The following CNTNAP2 variants were observed in gnomAD, a reference collection of about 807,000 sequenced individuals.
CNTNAP2 encodes contactin-associated protein-like 2.
A neutral mutation model predicts 155.2 loss-of-function variants in CNTNAP2; 98 were observed. That is an observed-to-expected ratio of 0.63 (90% confidence interval 0.54 to 0.75). The LOEUF is 0.75. CNTNAP2 is among the 30% of genes least tolerant of loss of function. The pLI is 0.00. For synonymous variants in CNTNAP2, 651 were observed against 631.2 expected (o/e 1.03, Z -0.47); for missense variants, 1,727 against 1,688.1 (o/e 1.02, Z -0.40).
At chr7:146,488,524 GCTT>G (rs1797092489) in intron 1 of CNTNAP2, among the ~76,000 whole-genome samples, 1 of 151,846 alleles carries the variant, frequency 6.6e-6, no homozygotes, top group Non-Finnish European at 1.5e-5. Context: ...TACCACAAAA[GCTT>G]CTCACCTGCT....
intron 13 of CNTNAP2, among the ~76,000 whole-genome samples, chr7:147,739,885 G>C (rs981866126): frequency 2.6e-5 from 4 of 151,930 alleles, no homozygotes; most frequent in Admixed American, 2.6e-4. Context: ...ATTGAATACT[G>C]ATTTCAGCAT....
At chr7:146,362,213 T>A (rs1360199205) in intron 1 of CNTNAP2, among the ~76,000 whole-genome samples, 1 of 152,206 alleles carries the variant, frequency 6.6e-6, no homozygotes, top group African/African-American at 2.4e-5. Context: ...TGAGTGCCTA[T>A]TAAGTATGAT....
chr7:146,792,704 T>C (rs559162982), intron 2 of CNTNAP2, among the ~76,000 whole-genome samples: 1 of 152,318 alleles, frequency 6.6e-6, no homozygotes, highest in Admixed American at 6.5e-5. Flanking sequence ...GGTGACATCA[T>C]TATGACACAA....
intron 3 of CNTNAP2, among the ~76,000 whole-genome samples, chr7:147,039,437 C>T (rs1799218643): frequency 6.6e-6 from 1 of 152,314 alleles, no homozygotes; most frequent in East Asian, 1.9e-4. Context: ...CATCATTTAG[C>T]TCCCACTTAC....
At chr7:148,138,709 T>C (rs1805004770) in intron 16 of CNTNAP2, among the ~76,000 whole-genome samples, 1 of 152,172 alleles carries the variant, frequency 6.6e-6, no homozygotes, top group African/African-American at 2.4e-5. Flanking sequence ...AGTAACCATC[T>C]GGGACCTTTA....
intron 1 of CNTNAP2, among the ~76,000 whole-genome samples, chr7:146,714,660 TTAAGA>T (rs1399510401): frequency 6.6e-6 from 1 of 152,144 alleles, no homozygotes; most frequent in Non-Finnish European, 1.5e-5. Context: ...AGTTTTCGAG[TTAAGA>T]TAACTAATTG....
intron 3 of CNTNAP2, among the ~76,000 whole-genome samples, chr7:146,895,501 CAAATT>C (rs1361307453): frequency 2.6e-5 from 4 of 152,016 alleles, no homozygotes; most frequent in Non-Finnish European, 5.9e-5. Context: ...ATCTCATAAT[CAAATT>C]ATGTGTATCT....
intron 1 of CNTNAP2, among the ~76,000 whole-genome samples, chr7:146,233,176 T>G (rs540447153): frequency 5.8e-4 from 57 of 97,472 alleles, no homozygotes; most frequent in Non-Finnish European, 9.2e-4. Flanking sequence ...AAAAAAAGTG[T>G]TTTTTTTTAT....
chr7:147,559,868 A>C (rs1391774043), intron 11 of CNTNAP2, among the ~76,000 whole-genome samples: 2 of 76,326 alleles, frequency 2.6e-5, no homozygotes, highest in African/African-American at 9.7e-5. Flanking sequence ...CCGATCTTAA[A>C]AAAAAAAAAA....
At chr7:148,147,998 G>A (rs1396207598) in intron 17 of CNTNAP2, among the ~76,000 whole-genome samples, 1 of 147,904 alleles carries the variant, frequency 6.8e-6, no homozygotes, top group East Asian at 2.1e-4. Context: ...GCAATTTTAG[G>A]TTTATGGTTT....
intron 3 of CNTNAP2, among the ~76,000 whole-genome samples, chr7:146,996,649 C>G (rs562450456): frequency 1.3e-5 from 2 of 152,210 alleles, no homozygotes; most frequent in African/African-American, 4.8e-5. Context: ...ATCATGTCAG[C>G]TGCAAACAAG....
chr7:148,383,813 T>G lies in CNTNAP2; in HGVS notation c.3640T>G (p.Cys1214Gly). Reference sequence around the variant, plus strand: ...CCAGGGCGAGCTGGTGGAGTCCAACTGCGGGGCCTCGCCGCTGACCCTCTC... The same window carrying G: ...CCAGGGCGAGCTGGTGGAGTCCAACGGCGGGGCCTCGCCGCTGACCCTCTC... ...HIQGELVESN[C>G]GASPLTLSPM... is the part of the protein sequence containing the mutation. The change falls in exon 22 of 24, where the codon TGC becomes GGC. Residue 1214 changes from cysteine (C) to glycine (G), a missense_variant. Physicochemically the swap from Cys to Gly is radical, Grantham distance 159. Transcript: ENST00000361727. 6.2e-7 allele frequency: 1 copy of G among 1,614,146 alleles called. No homozygotes were observed. Among genetic ancestry groups the G allele is most frequent in the Non-Finnish European group, 8.5e-7 (1 of 1,180,038 alleles).
chr7:146,913,728 A>T (rs1041084874), intron 3 of CNTNAP2, among the ~76,000 whole-genome samples: 3 of 151,970 alleles, frequency 2.0e-5, no homozygotes, highest in Non-Finnish European at 4.4e-5. Context: ...ATGGCGTCAC[A>T]TAGATAAGTG....
intron 1 of CNTNAP2, among the ~76,000 whole-genome samples, chr7:146,449,966 T>G (rs1486798278): frequency 1.3e-5 from 2 of 152,180 alleles, no homozygotes; most frequent in Non-Finnish European, 2.9e-5. Context: ...TCTGCCTAGT[T>G]ATCAGTCCAC....
chr7:148,035,880 C>T (rs1802565067), intron 15 of CNTNAP2, among the ~76,000 whole-genome samples: 1 of 152,182 alleles, frequency 6.6e-6, no homozygotes, highest in African/African-American at 2.4e-5. Flanking sequence ...GAGGGCCCAA[C>T]CTCAACTCCA....
At chr7:146,735,318 C>T (rs1457260580) in intron 1 of CNTNAP2, among the ~76,000 whole-genome samples, 2 of 152,038 alleles carry the variant, frequency 1.3e-5, no homozygotes, top group Non-Finnish European at 1.5e-5. Context: ...TTTGGGAGGC[C>T]GAGACGGGCA....
At chr7:146,885,973 GTA>G (rs1554404645) in intron 3 of CNTNAP2, among the ~76,000 whole-genome samples, 11 of 106,322 alleles carry the variant, frequency 1.0e-4, no homozygotes, top group African/African-American at 2.9e-4. Context: ...GTGTGTGTGT[GTA>G]TGTGCTTTCC....
chr7:146,203,667 G>T (rs528943784), intron 1 of CNTNAP2, among the ~76,000 whole-genome samples: 1 of 152,146 alleles, frequency 6.6e-6, no homozygotes, highest in African/African-American at 2.4e-5. Flanking sequence ...CTCTCCTGGG[G>T]GTGGGTTGGG....
chr7:147,775,829 T>C (rs191276319), intron 13 of CNTNAP2, among the ~76,000 whole-genome samples: 1 of 152,292 alleles, frequency 6.6e-6, no homozygotes, highest in East Asian at 1.9e-4. Flanking sequence ...AAGGTGTTAC[T>C]GACTGGCATT....
Sources: allele counts gnomAD v4.1 joint callset (sites outside exome capture counted in the v4.1 genomes callset), GRCh38; gene constraint gnomAD v4.1.1; transcripts MANE v1.5; gene names NCBI Gene and HGNC (gene_info 2026-07-23, HGNC 2026-07-21).